The following ATP8A1 variants were observed in gnomAD, a reference collection of about 807,000 sequenced individuals.
ATP8A1 encodes phospholipid-transporting ATPase IA.
Under a neutral mutation model 177.7 loss-of-function variants are expected in ATP8A1, and 90 were observed. The observed-to-expected ratio is 0.51, with a 90% CI of 0.43 to 0.60. ATP8A1 has a LOEUF of 0.60. ATP8A1 is among the 20% of genes least tolerant of loss of function. The pLI, the probability that ATP8A1 is intolerant of heterozygous loss-of-function variation, is 0.00. For synonymous variants in ATP8A1, 493 were observed against 485.9 expected (o/e 1.01, Z -0.19); for missense variants, 1,072 against 1,392.8 (o/e 0.77, Z 3.67).
chr4:42,412,783 G>T lies in ATP8A1; in HGVS notation c.*133C>A. On this transcript the variant is annotated 3_prime_UTR_variant, in exon 37 of 37. Transcript: ENST00000381668. Reference sequence around the variant, plus strand: ...GTCTATAATATACATGAATCTGAATGTCCATCAGCGAGATGAGCTCAGATC... The same window carrying T: ...GTCTATAATATACATGAATCTGAATTTCCATCAGCGAGATGAGCTCAGATC... 2 of 657,978 alleles carry T rather than the reference G, an allele frequency of 3.0e-6. No individual in the cohort carries two copies. The highest frequency in any genetic ancestry group is 5.3e-6 in the Non-Finnish European group (2 of 376,878). The allele number at this position is 657,978 out of a possible 1,614,324, so 40.8% of individuals were successfully genotyped here. A position where few individuals can be genotyped will look rare whatever the true frequency, so the allele number is the denominator to read the frequency against.
chr4:42,449,719 C>T (rs374987969), intron 30 of ATP8A1, among the ~76,000 whole-genome samples: 49 of 152,288 alleles, frequency 3.2e-4, no homozygotes, highest in African/African-American at 1.1e-3. Context: ...GTTCCCTAGT[C>T]TTGGCTAGTT....
intron 20 of ATP8A1, among the ~76,000 whole-genome samples, chr4:42,534,695 T>G (rs1204292538): frequency 6.6e-6 from 1 of 152,072 alleles, no homozygotes; most frequent in East Asian, 1.9e-4. Flanking sequence ...GATCATCACC[T>G]CGGCACATAG....
chr4:42,415,027 CA>C (rs1474119039), intron 35 of ATP8A1: 1 of 246,762 alleles, frequency 4.1e-6, no homozygotes, highest in Non-Finnish European at 7.8e-6. Flanking sequence ...GCCAGTATAA[CA>C]CAATTAAAAT....
chr4:42,469,903 T>TA lies in ATP8A1; in HGVS notation c.2325-4828dup, dbSNP rs199585423. Among the ~76,000 whole-genome samples the TA allele has an allele frequency of 1.5e-3, 222 of 152,190 alleles. 1 individual carries two copies. Among genetic ancestry groups the TA allele is most frequent in the Middle Eastern group, 3.4e-3 (1 of 294 alleles). On this transcript the variant is annotated intron_variant, in intron 25 of 36. Transcript: ENST00000381668. Reference sequence around the variant, plus strand: ...AACAACTTAATTCTTCCTATGTCTATAAAAAAAATCACATATCCATGGCTG... The same window carrying TA: ...AACAACTTAATTCTTCCTATGTCTATAAAAAAAAATCACATATCCATGGCTG...
chr4:42,556,475 T>G (rs999685346), intron 15 of ATP8A1, among the ~76,000 whole-genome samples: 1 of 152,142 alleles, frequency 6.6e-6, no homozygotes, highest in South Asian at 2.1e-4. Context: ...TATGTAGTGA[T>G]GAAAACCATA....
chr4:42,505,152 C>G (rs1313326682), intron 23 of ATP8A1, among the ~76,000 whole-genome samples: 1 of 152,192 alleles, frequency 6.6e-6, no homozygotes, highest in East Asian at 1.9e-4. Flanking sequence ...TGACTAGTAT[C>G]TGAGCTCCAC....
At chr4:42,551,318 GAA>G in intron 17 of ATP8A1, 38 bp from the exon 18 acceptor site, 1 of 1,395,884 alleles carries the variant, frequency 7.2e-7, no homozygotes, top group South Asian at 1.2e-5. Flanking sequence ...ACACATGATT[GAA>G]AAAAAAATAT....
chr4:42,438,375 G>A (rs756671616), intron 33 of ATP8A1, among the ~76,000 whole-genome samples: 3 of 152,122 alleles, frequency 2.0e-5, no homozygotes, highest in Non-Finnish European at 4.4e-5. Context: ...ATAGCTGAGT[G>A]GCAACCATTC....
chr4:42,509,837 G>A (rs922043255), intron 22 of ATP8A1, among the ~76,000 whole-genome samples: 1 of 133,444 alleles, frequency 7.5e-6, no homozygotes, highest in African/African-American at 2.9e-5. Flanking sequence ...GGGCAACAGA[G>A]CGAGACAGTC....
chr4:42,625,413 GAA>G (rs1737956679), intron 3 of ATP8A1, 199 bp downstream of exon 3: 4 of 421,266 alleles, frequency 9.5e-6, no homozygotes, highest in African/African-American at 8.2e-5. Flanking sequence ...CAAATTTATA[GAA>G]CACCCAAAAT....
At chr4:42,557,666 A>C (rs1730382144) in intron 15 of ATP8A1, among the ~76,000 whole-genome samples, 1 of 152,206 alleles carries the variant, frequency 6.6e-6, no homozygotes, top group Admixed American at 6.5e-5. Flanking sequence ...CCCATTTTCC[A>C]TTCAGTAATG....
chr4:42,495,142 A>G (rs1001165845), intron 24 of ATP8A1, among the ~76,000 whole-genome samples: 2 of 152,176 alleles, frequency 1.3e-5, no homozygotes, highest in African/African-American at 4.8e-5. Context: ...GGTATTTACA[A>G]ATTTATGGTC....
At chr4:42,580,334 T>C (rs1479402328) in intron 10 of ATP8A1, among the ~76,000 whole-genome samples, 1 of 152,066 alleles carries the variant, frequency 6.6e-6, no homozygotes, top group African/African-American at 2.4e-5. Context: ...GTGTTTCCGT[T>C]CAGGAAGACA....
At chr4:42,480,303 C>T (rs1016019405) in intron 25 of ATP8A1, among the ~76,000 whole-genome samples, 2 of 152,088 alleles carry the variant, frequency 1.3e-5, no homozygotes, top group African/African-American at 2.4e-5. Context: ...TATGTTAAAG[C>T]AAACTATTGG....
chr4:42,510,262 T>C (rs938487550), intron 22 of ATP8A1, among the ~76,000 whole-genome samples: 4 of 152,220 alleles, frequency 2.6e-5, no homozygotes, highest in African/African-American at 9.6e-5. Context: ...CATTATTTTA[T>C]TTCCTTTAAT....
intron 33 of ATP8A1, among the ~76,000 whole-genome samples, chr4:42,431,139 T>A (rs1032314157): frequency 9.8e-5 from 15 of 152,378 alleles, no homozygotes; most frequent in Middle Eastern, 3.4e-3. Context: ...AAATATATTA[T>A]TGATTTAACG....
intron 9 of ATP8A1, among the ~76,000 whole-genome samples, chr4:42,585,764 T>C (rs978808710): frequency 2.0e-5 from 3 of 151,966 alleles, no homozygotes; most frequent in African/African-American, 4.8e-5. Flanking sequence ...GTGCTTAATA[T>C]GTACTGGTTG....
chr4:42,529,510 G>A (rs139143635), intron 20 of ATP8A1, among the ~76,000 whole-genome samples: 260 of 152,282 alleles, frequency 1.7e-3, no homozygotes, highest in African/African-American at 5.9e-3. Flanking sequence ...TGGTATATAC[G>A]TGATCAGGCT....
rs182085086 is a variant in ATP8A1 at position 42,500,296 on chromosome 4, C to T, written c.2151+3154G>A. Among the ~76,000 whole-genome samples, 1,210 of 152,062 alleles carry T rather than the reference C, an allele frequency of 8.0e-3. 18 individuals are homozygous for T. Among genetic ancestry groups the T allele is most frequent in the African/African-American group, 0.027 (1,135 of 41,464 alleles). ...AGGAGAATCGCTTGAACCCAGAAGGCGGAGGTTGCGGTGAGCCGAGATCGT... is the reference window on the plus strand; with the variant it reads ...AGGAGAATCGCTTGAACCCAGAAGGTGGAGGTTGCGGTGAGCCGAGATCGT... On this transcript the variant is annotated intron_variant, in intron 24 of 36. Coordinates refer to ENST00000381668, the MANE Select transcript of ATP8A1 (RefSeq NM_006095.2).
Sources: allele counts gnomAD v4.1 joint callset (sites outside exome capture counted in the v4.1 genomes callset), GRCh38; gene constraint gnomAD v4.1.1; transcripts MANE v1.5; gene names NCBI Gene and HGNC (gene_info 2026-07-23, HGNC 2026-07-21).